Variants in SYCE2 observed in about 807,000 individuals in gnomAD.
The protein encoded by SYCE2 is central element synaptonemal complex 1.
In SYCE2, 3 loss-of-function variants were observed where a neutral mutation model predicts 27.9. The ratio of observed to expected loss-of-function variants is 0.11; its 90% confidence interval spans 0.05 to 0.28. The LOEUF (loss-of-function observed/expected upper bound fraction) is 0.28, where lower values mean the gene tolerates loss of function less well. Ranked by LOEUF, SYCE2 falls within the 10% of genes least tolerant of loss-of-function variation. The probability of loss-of-function intolerance (pLI) is 1.00; values close to 1 mark genes in which losing one functional copy is unlikely to be tolerated. For synonymous variants in SYCE2, 85 were observed against 100.7 expected (o/e 0.84, Z 0.93); for missense variants, 207 against 263.5 (o/e 0.79, Z 1.48).
intron 2 of SYCE2, among the ~76,000 whole-genome samples, chr19:12,910,341 AT>A (rs1306586661): frequency 6.6e-6 from 1 of 151,790 alleles, no homozygotes; most frequent in Non-Finnish European, 1.5e-5. Context: ...TTTGTAAAAA[AT>A]TTTGTTATTA....
At position 12,918,714 on chromosome 19, in the gene SYCE2, G is replaced by A. The variant is rs549984735; in HGVS notation, c.16-377C>T. ...CACGCCTGTAATCCCAGCACTTTGG[G>A]AGGCGGAGGCGGGCGGATCACGAGG... On this transcript the variant is annotated intron_variant, in intron 1 of 5. Coordinates refer to ENST00000293695, the MANE Select transcript of SYCE2 (RefSeq NM_001105578.2). 1.7e-3 allele frequency among the ~76,000 whole-genome samples: 256 copies of A among 152,242 alleles called. 1 individual carries two copies. Among genetic ancestry groups the A allele is most frequent in the African/African-American group, 5.8e-3 (243 of 41,550 alleles).
At chr19:12,917,659 C>CTTTTTTTT (rs71168635) in intron 2 of SYCE2, among the ~76,000 whole-genome samples, 8,542 of 78,804 alleles carry the variant, frequency 0.11, 1,415 homozygotes, top group East Asian at 0.23. Context: ...CCATTCCTGG[C>CTTTTTTTT]TTTTTTTTTT....
intron 2 of SYCE2, among the ~76,000 whole-genome samples, chr19:12,916,055 G>GCCATATCA (rs1971132075): frequency 6.7e-6 from 1 of 149,990 alleles, no homozygotes; most frequent in Admixed American, 6.7e-5. Flanking sequence ...TCACAATACT[G>GCCATATCA]CCATATCAGC....
intron 2 of SYCE2, among the ~76,000 whole-genome samples, chr19:12,910,396 GGAGTGACAGGC>G (rs1971022970): frequency 1.5e-5 from 2 of 137,886 alleles, no homozygotes; most frequent in African/African-American, 7.1e-5. Context: ...CGCTCAGGCT[GGAGTGACAGGC>G]TGGAGTGTCG....
In SYCE2 at chr19:12,900,535, G is replaced by A. The variant is rs763556824; in HGVS notation, c.420C>T (p.Ser140=). The A allele has an allele frequency of 1.9e-6, 3 of 1,614,128 alleles. No individual in the cohort carries two copies. The highest frequency in any genetic ancestry group is 2.5e-6 in the Non-Finnish European group (3 of 1,180,032). The change falls in exon 4 of 6, where the codon AGC becomes AGT. Residue 140 remains serine, a synonymous_variant. Transcript: ENST00000293695. The part of the protein sequence containing the change: ...QEFTQKMAKI[S]HLETELKQVC... ...CTTGTTTGAGCTCTGTCTCCAAATG[G>A]CTGATCTTTGCCATTTTCTGGGTGA...
At chr19:12,900,360 G>A in intron 4 of SYCE2, 100 bp downstream of exon 4, 1 of 1,327,640 alleles carries the variant, frequency 7.5e-7, no homozygotes, top group Non-Finnish European at 1.0e-6. Flanking sequence ...GGCCTGGCGG[G>A]GTCAGGGCTG....
chr19:12,918,737 A>G (rs1275073734), intron 1 of SYCE2, among the ~76,000 whole-genome samples: 1 of 151,902 alleles, frequency 6.6e-6, no homozygotes, highest in Non-Finnish European at 1.5e-5. Flanking sequence ...GCGGATCACG[A>G]GGTCAGGAGT....
chr19:12,900,435 G>C (rs918811263), intron 4 of SYCE2, 25 bp downstream of exon 4: 1 of 1,605,542 alleles, frequency 6.2e-7, no homozygotes. Flanking sequence ...CTCAGGCAGC[G>C]CCCCCCCTGT....
At chr19:12,901,760 C>T (rs1481465718) in intron 3 of SYCE2, among the ~76,000 whole-genome samples, 3 of 151,856 alleles carry the variant, frequency 2.0e-5, no homozygotes, top group East Asian at 2.0e-4. Context: ...GGATTACAGG[C>T]GAGCGCCACC....
At chr19:12,917,845 G>A (rs1246475061) in intron 2 of SYCE2, among the ~76,000 whole-genome samples, 2 of 151,842 alleles carry the variant, frequency 1.3e-5, no homozygotes, top group African/African-American at 2.4e-5. Context: ...TTTTAGTAGA[G>A]ACGGGGTTTC....
rs527989938 is a variant in SYCE2 at position 12,917,407 on chromosome 19, G to A, written c.131+815C>T. Among the ~76,000 whole-genome samples the A allele has an allele frequency of 3.6e-3, 546 of 152,056 alleles. 2 individuals carry two copies. The highest frequency in any genetic ancestry group is 0.013 in the African/African-American group (524 of 41,464). On this transcript the variant is annotated intron_variant, in intron 2 of 5. Coordinates refer to ENST00000293695, the MANE Select transcript of SYCE2 (RefSeq NM_001105578.2). ...GAGACGGAGTCTCACTCTGTCACCA[G>A]GCTGGCATGCAGTGGCATGATCTCG...
At chr19:12,900,684 A>G (rs1178972840) in intron 3 of SYCE2, 36 bp from the exon 4 acceptor site, 1 of 1,576,418 alleles carries the variant, frequency 6.3e-7, no homozygotes, top group Non-Finnish European at 8.7e-7. Flanking sequence ...GGAAAATCAA[A>G]CAAGAGGTAT....
At chr19:12,916,081 T>C (rs1484525368) in intron 2 of SYCE2, among the ~76,000 whole-genome samples, 1 of 151,570 alleles carries the variant, frequency 6.6e-6, no homozygotes, top group African/African-American at 2.4e-5. Context: ...TTTTTTTTTT[T>C]TTCCTCGAGA....
chr19:12,904,956 A>G (rs1599631582), intron 2 of SYCE2, among the ~76,000 whole-genome samples: 1 of 151,828 alleles, frequency 6.6e-6, no homozygotes, highest in East Asian at 1.9e-4. Context: ...GTGAGCCGAG[A>G]TCACGCCACT....
intron 2 of SYCE2, among the ~76,000 whole-genome samples, chr19:12,911,386 C>A (rs1830598615): frequency 6.6e-6 from 1 of 152,146 alleles, no homozygotes; most frequent in African/African-American, 2.4e-5. Context: ...ACAAGGCCTT[C>A]CAGGGCCCTG....
chr19:12,899,611 G>A lies in SYCE2; in HGVS notation c.613-226C>T, dbSNP rs760840900. The A allele has an allele frequency of 4.6e-4, 747 of 1,613,338 alleles. 2 individuals are homozygous for A. The highest frequency in any genetic ancestry group is 3.8e-4 in the South Asian group (35 of 90,952). The stretch of plus-strand genomic sequence containing the variant: ...AGATGCCTGGCTGGACCGTAGGAGC[G>A]CTGTGCTCTGAGCTTAGAAAGGGAG... On this transcript the variant is annotated intron_variant, in intron 5 of 5. Coordinates refer to ENST00000293695, the MANE Select transcript of SYCE2 (RefSeq NM_001105578.2).
chr19:12,916,951 T>C (rs1451167504), intron 2 of SYCE2, among the ~76,000 whole-genome samples: 2 of 152,126 alleles, frequency 1.3e-5, no homozygotes, highest in East Asian at 1.9e-4. Context: ...AGTTTCACCA[T>C]GTGGGCCAGG....
intron 2 of SYCE2, among the ~76,000 whole-genome samples, chr19:12,911,322 C>T (rs1971041914): frequency 6.6e-6 from 1 of 152,154 alleles, no homozygotes; most frequent in African/African-American, 2.4e-5. Context: ...GTTTGTTAGC[C>T]TAAAACCATC....
At chr19:12,905,371 G>C (rs1970916157) in intron 2 of SYCE2, among the ~76,000 whole-genome samples, 1 of 151,824 alleles carries the variant, frequency 6.6e-6, no homozygotes, top group Non-Finnish European at 1.5e-5. Flanking sequence ...TCACTCTGTC[G>C]CCCAGGCTGG....
Sources: gnomAD v4.1 joint callset for allele counts (sites outside exome capture counted in the v4.1 genomes callset) on GRCh38, gnomAD v4.1.1 for gene constraint, MANE v1.5 for transcripts, NCBI Gene and HGNC (gene_info 2026-07-23, HGNC 2026-07-21) for gene names.